The following CADM2 variants were observed in gnomAD, a reference collection of about 807,000 sequenced individuals.
The protein encoded by CADM2 is cell adhesion molecule 2, also known as immunoglobulin superfamily member 4D.
CADM2 carries 12 observed loss-of-function variants against 49.8 expected under a neutral mutation model. The ratio of observed to expected loss-of-function variants is 0.24; its 90% confidence interval spans 0.15 to 0.39. The LOEUF is 0.39. Among genes scored for constraint, CADM2 ranks in the 10% least tolerant of loss-of-function variants. The pLI is 1.00. For synonymous variants in CADM2, 214 were observed against 175.4 expected (o/e 1.22, Z -1.74); for missense variants, 378 against 492.3 (o/e 0.77, Z 2.20).
intron 1 of CADM2, among the ~76,000 whole-genome samples, chr3:85,576,404 T>G (rs977886612): frequency 2.0e-5 from 3 of 152,148 alleles, no homozygotes; most frequent in African/African-American, 7.2e-5. Flanking sequence ...ACATCAAATT[T>G]GTATTCCTGC....
chr3:84,963,037 C>T (rs148979743), intron 1 of CADM2, among the ~76,000 whole-genome samples: 2 of 152,154 alleles, frequency 1.3e-5, no homozygotes, highest in East Asian at 1.9e-4. Context: ...TCATCCTCAT[C>T]GTGTCTTTAG....
chr3:86,040,886 G>A (rs142035898), intron 8 of CADM2, among the ~76,000 whole-genome samples: 36 of 152,296 alleles, frequency 2.4e-4, no homozygotes, highest in African/African-American at 8.4e-4. Context: ...TGATCTCTTG[G>A]CAGAAACTCT....
intron 1 of CADM2, among the ~76,000 whole-genome samples, chr3:84,962,334 TG>T (rs1046651022): frequency 9.9e-5 from 15 of 151,700 alleles, no homozygotes; most frequent in Admixed American, 2.6e-4. Flanking sequence ...TGTCTTCTCA[TG>T]TTTATGGCTG....
At chr3:85,216,079 A>C (rs912697630) in intron 1 of CADM2, among the ~76,000 whole-genome samples, 1 of 151,950 alleles carries the variant, frequency 6.6e-6, no homozygotes, top group Non-Finnish European at 1.5e-5. Flanking sequence ...TTGAAGGTGT[A>C]GTTTGGGGAT....
chr3:85,934,583 T>C (rs1382322664), intron 6 of CADM2, among the ~76,000 whole-genome samples: 2 of 152,114 alleles, frequency 1.3e-5, no homozygotes, highest in African/African-American at 4.8e-5. Flanking sequence ...TGCATTCTCT[T>C]GTTTAAGGAA....
intron 1 of CADM2, chr3:85,385,891 G>C (rs945934622): frequency 1.4e-5 from 2 of 144,924 alleles, no homozygotes; most frequent in Non-Finnish European, 3.0e-5. Context: ...TTCTGAAAAA[G>C]TTTCTACTGA....
chr3:85,580,775 T>G lies in CADM2; in HGVS notation c.62-145747T>G, dbSNP rs372170825. ...CAGAATGAATCCTATTACAAAAACCTTGCAAAATACTGTCAAATTTTATAT... is the reference window on the plus strand; with the variant it reads ...CAGAATGAATCCTATTACAAAAACCGTGCAAAATACTGTCAAATTTTATAT... On this transcript the variant is annotated intron_variant, in intron 1 of 9. Transcript: ENST00000383699. Among the ~76,000 whole-genome samples, 7 of 152,244 alleles carry G rather than the reference T, an allele frequency of 4.6e-5. No individual in the cohort carries two copies. In the South Asian group the frequency reaches 1.2e-3, roughly 27 times the overall value.
intron 1 of CADM2, among the ~76,000 whole-genome samples, chr3:85,462,673 A>T (rs1010039429): frequency 8.5e-5 from 13 of 152,174 alleles, no homozygotes; most frequent in African/African-American, 2.7e-4. Flanking sequence ...AAAAGATTCC[A>T]TTAGTGAACT....
intron 6 of CADM2, among the ~76,000 whole-genome samples, chr3:85,920,734 G>A (rs1474254353): frequency 6.6e-6 from 1 of 151,412 alleles, no homozygotes; most frequent in African/African-American, 2.4e-5. Flanking sequence ...CTACAGGCAA[G>A]GATTCAAAAT....
At chr3:86,063,266 T>A (rs1487442394) in intron 8 of CADM2, among the ~76,000 whole-genome samples, 7 of 152,154 alleles carry the variant, frequency 4.6e-5, no homozygotes, top group African/African-American at 4.8e-5. Context: ...AATTCTCCTC[T>A]CCATCGCATA....
chr3:85,806,928 T>A (rs2108101092), intron 3 of CADM2, among the ~76,000 whole-genome samples: 1 of 152,284 alleles, frequency 6.6e-6, no homozygotes, highest in African/African-American at 2.4e-5. Context: ...CCATGTTTAA[T>A]GTGATCAGTA....
At chr3:85,228,391 T>A (rs2042208437) in intron 1 of CADM2, among the ~76,000 whole-genome samples, 2 of 151,950 alleles carry the variant, frequency 1.3e-5, no homozygotes, top group South Asian at 4.2e-4. Flanking sequence ...CAGTCACTGA[T>A]AACCCTTCTT....
intron 1 of CADM2, among the ~76,000 whole-genome samples, chr3:85,483,389 T>C (rs2039290105): frequency 6.6e-6 from 1 of 151,346 alleles, no homozygotes; most frequent in African/African-American, 2.4e-5. Flanking sequence ...TATGTTTGTG[T>C]ATATGTAAAT....
chr3:85,381,891 G>A (rs1475819874), intron 1 of CADM2, among the ~76,000 whole-genome samples: 1 of 151,970 alleles, frequency 6.6e-6, no homozygotes, highest in Admixed American at 6.6e-5. Context: ...TGACATGCCA[G>A]TATGTCAGAA....
At chr3:85,125,381 T>C (rs1300982551) in intron 1 of CADM2, among the ~76,000 whole-genome samples, 1 of 152,138 alleles carries the variant, frequency 6.6e-6, no homozygotes, top group Non-Finnish European at 1.5e-5. Flanking sequence ...TTTTGTTTTT[T>C]TTTTTGAGAC....
At chr3:85,216,425 T>A (rs2041929500) in intron 1 of CADM2, among the ~76,000 whole-genome samples, 1 of 150,332 alleles carries the variant, frequency 6.7e-6, no homozygotes, top group Non-Finnish European at 1.5e-5. Flanking sequence ...CATTATCCAA[T>A]GAAATTTAAG....
At chr3:85,734,502 T>C (rs1448198333) in intron 2 of CADM2, among the ~76,000 whole-genome samples, 3 of 150,440 alleles carry the variant, frequency 2.0e-5, no homozygotes, top group Non-Finnish European at 4.4e-5. Flanking sequence ...AGATTATATA[T>C]ATATAATTTG....
intron 3 of CADM2, among the ~76,000 whole-genome samples, chr3:85,803,206 A>G (rs1388624034): frequency 6.6e-6 from 1 of 152,084 alleles, no homozygotes; most frequent in East Asian, 1.9e-4. Context: ...TAAATATTAA[A>G]TATATAATGA....
At chr3:85,018,366 G>C (rs1230607074) in intron 1 of CADM2, among the ~76,000 whole-genome samples, 1 of 152,050 alleles carries the variant, frequency 6.6e-6, no homozygotes, top group Non-Finnish European at 1.5e-5. Context: ...TTAAAACTGT[G>C]AGTTTATTAT....
Sources: gnomAD v4.1 joint callset for allele counts (sites outside exome capture counted in the v4.1 genomes callset) on GRCh38, gnomAD v4.1.1 for gene constraint, MANE v1.5 for transcripts, NCBI Gene and HGNC (gene_info 2026-07-23, HGNC 2026-07-21) for gene names.